Variants in DHX40 observed in about 807,000 individuals in gnomAD.
DHX40 encodes the protein DEAH-box helicase 40.
DHX40 carries 28 observed loss-of-function variants against 89.6 expected under a neutral mutation model. The ratio of observed to expected loss-of-function variants is 0.31; its 90% CI spans 0.23 to 0.43. The LOEUF (loss-of-function observed/expected upper bound fraction) is 0.43. DHX40 is among the 20% of genes least tolerant of loss of function. DHX40 has a pLI of 1.00. For missense variants in DHX40, 457 were observed against 844.0 expected (o/e 0.54, Z 5.68); for synonymous variants, 226 against 283.6 (o/e 0.80, Z 2.04).
rs757021826 is a variant in DHX40, at chr17:59,586,188, T to C, written c.1379T>C (p.Ile460Thr). 3.8e-6 allele frequency: 6 copies of C among 1,594,776 alleles called. No individual in the cohort carries two copies. The highest frequency in any genetic ancestry group is 1.4e-5 in the African/African-American group (1 of 73,830). The change falls in exon 11 of 18, where the codon ATT becomes ACT. Residue 460 changes from isoleucine to threonine, a missense_variant. Transcript: ENST00000251241. ...TTGGATCCACCTAATGAGAGACTTATTTTAGAAGCTCTTAAACAACTTTAC... is the reference window on the plus strand; with the variant it reads ...TTGGATCCACCTAATGAGAGACTTACTTTAGAAGCTCTTAAACAACTTTAC... ...PYLDPPNERL[I>T]LEALKQLYQC...
At chr17:59,587,246 G>T (rs960056586) in intron 11 of DHX40, among the ~76,000 whole-genome samples, 6 of 150,786 alleles carry the variant, frequency 4.0e-5, no homozygotes, top group East Asian at 1.9e-4. Context: ...TTTTTGAGAC[G>T]GAGTTTTACT....
rs1260703533 is a variant in DHX40, at chr17:59,573,792, G to A, written c.599G>A (p.Arg200Lys). 6 of 1,613,712 alleles carry A rather than the reference G, an allele frequency of 3.7e-6. No individual in the cohort carries two copies. The African/African-American group carries it at 4.0e-5, about 11-fold the overall frequency. ...KKLFQEKSPNRKEHLKVVVMS... is the reference protein window; with the variant it reads ...KKLFQEKSPNKKEHLKVVVMS... ...CTATTTCAGGAGAAGTCTCCTAATA[G>A]GAAGGAGCATTTAAAAGTGGTGGTA... Residue 200 changes from arginine to lysine, a missense_variant, in exon 5 of 18, where the codon AGG (arginine) becomes AAG (lysine). Arg to Lys is a conservative substitution (Grantham distance 26). Coordinates refer to ENST00000251241, the MANE Select transcript of DHX40 (RefSeq NM_024612.5).
Position 59,607,956 on chromosome 17 carries a change from G to A in DHX40, c.*784G>A, listed in dbSNP as rs1009876316. 6.5e-6 allele frequency: 1 copy of A among 154,390 alleles called. No homozygotes were observed. 9.6% of individuals were successfully genotyped at this position (154,390 alleles called of 1,614,324 possible). A position where few individuals can be genotyped will look rare whatever the true frequency, so the allele number is the denominator to read the frequency against. ...ACGTACTTATATCAGCACCATGTAT[G>A]TAGGTGTGATAGTACTTTCAAACAG... On this transcript the variant is annotated 3_prime_UTR_variant, in exon 18 of 18. Transcript: ENST00000251241.
At position 59,606,999 on chromosome 17, in the gene DHX40, T is replaced by G. The variant is rs976793891; in HGVS notation, c.2201-34T>G. On this transcript the variant is annotated intron_variant, in intron 17 of 17. Transcript: ENST00000251241. ...CATTTCTAGTACTGAATCTCAAAGCTAAGTTTTATTGGATTAATTTGTAAT... is the reference window on the plus strand; with the variant it reads ...CATTTCTAGTACTGAATCTCAAAGCGAAGTTTTATTGGATTAATTTGTAAT... The G allele has an allele frequency of 2.5e-6, 4 of 1,581,464 alleles. No individual in the cohort carries two copies. The African/African-American group carries it at 5.4e-5, about 22-fold the overall frequency.
intron 10 of DHX40, among the ~76,000 whole-genome samples, chr17:59,585,596 G>A (rs1251721061): frequency 2.7e-4 from 40 of 149,260 alleles, no homozygotes; most frequent in African/African-American, 7.5e-4. Context: ...GGTGGCATGT[G>A]CCTGTAGTCC....
Position 59,599,825 on chromosome 17 carries a change from C to A in DHX40, c.1806+342C>A, listed in dbSNP as rs60595433. 0.021 allele frequency among the ~76,000 whole-genome samples: 3,173 copies of A among 150,074 alleles called. 442 individuals are homozygous for A. The East Asian group carries it at 0.39, about 18-fold the overall frequency. On this transcript the variant is annotated intron_variant, in intron 14 of 17. Coordinates refer to ENST00000251241, the MANE Select transcript of DHX40 (RefSeq NM_024612.5). The stretch of plus-strand genomic sequence containing the variant: ...CTCCCAGTTTTCTCATCCTCCCCCC[C>A]ACCTTTTTTTTTTTTTGAGATGGAG...
intron 12 of DHX40, among the ~76,000 whole-genome samples, chr17:59,595,275 G>T (rs1390067519): frequency 5.3e-5 from 8 of 151,694 alleles, no homozygotes; most frequent in African/African-American, 1.9e-4. Context: ...TAGAGATGGG[G>T]TTTCTCCATG....
rs927150797 is a variant in DHX40, at chr17:59,607,819, T to A, written c.*647T>A. On this transcript the variant is annotated 3_prime_UTR_variant, in exon 18 of 18. Coordinates refer to ENST00000251241, the MANE Select transcript of DHX40 (RefSeq NM_024612.5). The stretch of plus-strand genomic sequence containing the variant: ...TTTTCTGGGATTATACAAATTCCTT[T>A]TTATATAAAAGTATATTGTTTAAAA... The A allele has an allele frequency of 6.6e-6, 1 of 152,340 alleles. No individual in the cohort carries two copies. The highest frequency in any genetic ancestry group is 1.5e-5 in the Non-Finnish European group (1 of 68,166). 9.4% of individuals were successfully genotyped at this position (152,340 alleles called of 1,614,324 possible). A position where few individuals can be genotyped will look rare whatever the true frequency, so the allele number is the denominator to read the frequency against.
intron 12 of DHX40, among the ~76,000 whole-genome samples, chr17:59,592,180 GA>G: frequency 6.6e-6 from 1 of 151,812 alleles, no homozygotes; most frequent in South Asian, 2.1e-4. Context: ...CTAAAGTTTG[GA>G]AATTTAACTT....
At chr17:59,600,534 T>TATATAA (rs2143351714) in intron 14 of DHX40, among the ~76,000 whole-genome samples, 1 of 152,270 alleles carries the variant, frequency 6.6e-6, no homozygotes, top group Non-Finnish European at 1.5e-5. Flanking sequence ...TATCTTATTT[T>TATATAA]GGTAAAATAA....
rs1338901725 is a variant in DHX40 at position 59,574,464 on chromosome 17, T to TA, written c.841+211dup. On this transcript the variant is annotated intron_variant, in intron 6 of 17. Coordinates refer to ENST00000251241, the MANE Select transcript of DHX40 (RefSeq NM_024612.5). ...ATTATATATATTTATGTCAAAGACA[T>TA]ATGTTTATGTCAAAGACATAATAGT... Among the ~76,000 whole-genome samples, 7 of 151,702 alleles carry TA rather than the reference T, an allele frequency of 4.6e-5. No homozygotes were observed. The East Asian group carries it at 5.8e-4, about 13-fold the overall frequency.
rs376072487 is a variant in DHX40 at position 59,567,926 on chromosome 17, C to G, written c.280+1132C>G. ...CAGCCTGGGAGACAGAGTGAGACTC[C>G]GTCTCCAAAAAAAAAAAAATTTTTT... On this transcript the variant is annotated intron_variant, in intron 2 of 17. Transcript: ENST00000251241. Among the ~76,000 whole-genome samples, 109 of 141,018 alleles carry G rather than the reference C, an allele frequency of 7.7e-4. 4 individuals carry two copies. The East Asian group carries it at 0.018, about 24-fold the overall frequency. 92.5% of individuals were successfully genotyped at this position (141,018 alleles called of 152,430 possible). A position where few individuals can be genotyped will look rare whatever the true frequency, so the allele number is the denominator to read the frequency against.
chr17:59,571,782 G>A (rs2048813030), intron 3 of DHX40, among the ~76,000 whole-genome samples: 1 of 151,896 alleles, frequency 6.6e-6, no homozygotes, highest in South Asian at 2.1e-4. Flanking sequence ...AGTAGAGATG[G>A]GGTTGGTCTC....
At chr17:59,589,232 T>G (rs1325635621) in intron 12 of DHX40, among the ~76,000 whole-genome samples, 1 of 145,236 alleles carries the variant, frequency 6.9e-6, no homozygotes, top group Non-Finnish European at 1.5e-5. Context: ...TTTTTTTTTT[T>G]TTTTTTTGAG....
At chr17:59,570,192 TA>T (rs2048781178) in intron 2 of DHX40, among the ~76,000 whole-genome samples, 1 of 118,700 alleles carries the variant, frequency 8.4e-6, no homozygotes, top group African/African-American at 3.9e-5. Flanking sequence ...ATATAATATA[TA>T]ATATATTATA....
chr17:59,597,234 A>G (rs1429252594), intron 12 of DHX40, among the ~76,000 whole-genome samples: 1 of 67,012 alleles, frequency 1.5e-5, no homozygotes, highest in African/African-American at 5.8e-5. Context: ...AGAAGTCAGG[A>G]TATAGTTATT....
intron 3 of DHX40, 67 bp downstream of exon 3, chr17:59,570,730 C>T: frequency 1.3e-6 from 2 of 1,492,298 alleles, no homozygotes; most frequent in South Asian, 2.6e-5. Context: ...TGTCGCCCAG[C>T]CTGGAGTGCG....
intron 12 of DHX40, among the ~76,000 whole-genome samples, chr17:59,589,969 C>G (rs570778244): frequency 6.6e-6 from 1 of 151,020 alleles, no homozygotes; most frequent in Non-Finnish European, 1.5e-5. Flanking sequence ...GATCTGCCTA[C>G]CTTGGCCTTG....
Position 59,607,214 on chromosome 17 carries a change from G to A in DHX40, c.*42G>A, listed in dbSNP as rs1181718977. On this transcript the variant is annotated 3_prime_UTR_variant, in exon 18 of 18. Coordinates refer to ENST00000251241, the MANE Select transcript of DHX40 (RefSeq NM_024612.5). ...ATTCAGGAAGTGGGAAAAGGAGCCA[G>A]GAAATGTGCTTCTACTTTGCCAGTT... 2 of 1,614,186 alleles carry A rather than the reference G, an allele frequency of 1.2e-6. No homozygotes were observed. The highest frequency in any genetic ancestry group is 3.3e-5 in the Admixed American group (2 of 60,032).
Sources: gnomAD v4.1 joint callset for allele counts (sites outside exome capture counted in the v4.1 genomes callset) on GRCh38, gnomAD v4.1.1 for gene constraint, MANE v1.5 for transcripts, NCBI Gene and HGNC (gene_info 2026-07-23, HGNC 2026-07-21) for gene names.